TTLL11: variants seen among roughly 807,000 people sequenced by gnomAD.
TTLL11 encodes the protein tubulin polyglutamylase TTLL11.
In TTLL11, 42 loss-of-function variants were observed where a neutral mutation model predicts 51.7. The observed-to-expected ratio is 0.81, with a 90% CI of 0.64 to 1.05. The LOEUF (loss-of-function observed/expected upper bound fraction) is 1.05, where lower values mean the gene tolerates loss of function less well. TTLL11 is among the 50% of genes least tolerant of loss of function. TTLL11 has a pLI of 0.00. For missense variants in TTLL11, 799 were observed against 940.4 expected (o/e 0.85, Z 1.97); for synonymous variants, 381 against 383.5 (o/e 0.99, Z 0.08).
At chr9:121,974,174 C>G in intron 5 of TTLL11, 50 bp from the exon 6 acceptor site, 2 of 1,413,050 alleles carry the variant, frequency 1.4e-6, no homozygotes, top group Non-Finnish European at 1.9e-6. Flanking sequence ...GATTCCGTGC[C>G]AAGTGGCTAT....
chr9:122,072,415 G>A (rs1241753665), intron 1 of TTLL11, among the ~76,000 whole-genome samples: 5 of 150,724 alleles, frequency 3.3e-5, no homozygotes, highest in African/African-American at 1.2e-4. Flanking sequence ...AGGCTGAGGT[G>A]GGTGGATCAC....
intron 6 of TTLL11, among the ~76,000 whole-genome samples, chr9:121,971,766 A>AAAAAAAAG (rs1842586087): frequency 6.6e-6 from 1 of 151,138 alleles, no homozygotes; most frequent in Non-Finnish European, 1.5e-5. Context: ...AAAAAAGAAA[A>AAAAAAAAG]TGTGGCATAT....
chr9:122,012,590 A>T (rs1174659520), intron 3 of TTLL11, among the ~76,000 whole-genome samples: 1 of 152,110 alleles, frequency 6.6e-6, no homozygotes, highest in Non-Finnish European at 1.5e-5. Context: ...AGTTTAGAAA[A>T]TTAAACAATA....
chr9:122,013,461 G>C (rs1341265120), intron 3 of TTLL11, among the ~76,000 whole-genome samples: 1 of 152,182 alleles, frequency 6.6e-6, no homozygotes, highest in Non-Finnish European at 1.5e-5. Context: ...AGAAGAGGAG[G>C]AAGGGTCTCC....
At chr9:121,904,840 G>A (rs548727233) in intron 6 of TTLL11, among the ~76,000 whole-genome samples, 23 of 152,232 alleles carry the variant, frequency 1.5e-4, no homozygotes, top group Admixed American at 2.6e-4. Context: ...GATAACCTTC[G>A]TGCTATCTGG....
At chr9:121,972,025 A>G (rs1421725265) in intron 6 of TTLL11, among the ~76,000 whole-genome samples, 1 of 152,074 alleles carries the variant, frequency 6.6e-6, no homozygotes, top group Non-Finnish European at 1.5e-5. Flanking sequence ...AGAAATACCT[A>G]ATGTAGATGA....
At chr9:122,024,720 T>C (rs994848375) in intron 3 of TTLL11, among the ~76,000 whole-genome samples, 6 of 152,184 alleles carry the variant, frequency 3.9e-5, no homozygotes, top group Middle Eastern at 3.2e-3. Context: ...CAACTGGATA[T>C]TCGTATGCAA....
At chr9:122,030,693 G>A (rs915722626) in intron 3 of TTLL11, among the ~76,000 whole-genome samples, 3 of 151,540 alleles carry the variant, frequency 2.0e-5, no homozygotes, top group Admixed American at 6.6e-5. Flanking sequence ...AGGCTGAGGC[G>A]GGCAGATCAC....
At chr9:121,960,062 C>A (rs1236718146) in intron 6 of TTLL11, among the ~76,000 whole-genome samples, 2 of 152,060 alleles carry the variant, frequency 1.3e-5, no homozygotes, top group Non-Finnish European at 2.9e-5. Flanking sequence ...TCAGATCACA[C>A]CTCCCGCTGC....
At chr9:121,922,198 A>G (rs1457251923) in intron 6 of TTLL11, among the ~76,000 whole-genome samples, 1 of 152,208 alleles carries the variant, frequency 6.6e-6, no homozygotes, top group Non-Finnish European at 1.5e-5. Context: ...AATCCCTAGG[A>G]AACTTCTTTA....
chr9:121,902,178 C>G (rs1588111888), intron 6 of TTLL11, among the ~76,000 whole-genome samples: 1 of 152,292 alleles, frequency 6.6e-6, no homozygotes, highest in East Asian at 1.9e-4. Flanking sequence ...AGCCCAGAAG[C>G]AACCAGTGAA....
chr9:121,889,710 G>A (rs1293925960), intron 6 of TTLL11, among the ~76,000 whole-genome samples: 7 of 152,170 alleles, frequency 4.6e-5, no homozygotes, highest in Non-Finnish European at 8.8e-5. Context: ...GACCAGCCTG[G>A]CCAACATGGT....
At chr9:122,080,424 C>T (rs1845973233) in intron 1 of TTLL11, among the ~76,000 whole-genome samples, 3 of 152,010 alleles carry the variant, frequency 2.0e-5, no homozygotes, top group Non-Finnish European at 4.4e-5. Context: ...TGACGCACAC[C>T]TGTAATCCTA....
intron 6 of TTLL11, among the ~76,000 whole-genome samples, chr9:121,912,168 G>A (rs902754780): frequency 2.6e-5 from 4 of 152,152 alleles, no homozygotes; most frequent in Admixed American, 6.5e-5. Context: ...GGCCTGGGCC[G>A]CTCATCTACT....
chr9:121,832,667 C>T (rs1288871924), intron 8 of TTLL11, among the ~76,000 whole-genome samples: 3 of 152,176 alleles, frequency 2.0e-5, no homozygotes, highest in Non-Finnish European at 4.4e-5. Flanking sequence ...TGGCCAGGTG[C>T]AGTGGCTCAT....
At chr9:121,848,159 A>G (rs1480260252) in intron 8 of TTLL11, among the ~76,000 whole-genome samples, 2 of 151,914 alleles carry the variant, frequency 1.3e-5, no homozygotes. Flanking sequence ...ATGAGCCAAG[A>G]TTGTGTCACT....
At chr9:121,900,514 T>C (rs1269486734) in intron 6 of TTLL11, among the ~76,000 whole-genome samples, 4 of 152,214 alleles carry the variant, frequency 2.6e-5, no homozygotes, top group African/African-American at 4.8e-5. Flanking sequence ...TCAAAGATCA[T>C]TGATGTCTTT....
rs78518604 is a variant in TTLL11 at position 122,074,887 on chromosome 9, T to TA, written c.462+17799dup. 1.3e-3 allele frequency among the ~76,000 whole-genome samples: 191 copies of TA among 143,146 alleles called. 1 individual carries two copies. Among genetic ancestry groups the TA allele is most frequent in the Middle Eastern group, 3.7e-3 (1 of 270 alleles). The allele number at this position is 143,146 out of a possible 152,430, so 93.9% of individuals were successfully genotyped here. On this transcript the variant is annotated intron_variant, in intron 1 of 8. Coordinates refer to ENST00000321582, the MANE Select transcript of TTLL11 (RefSeq NM_001139442.2). ...AAGACAGCAAGACACCCTGGTCTCT[T>TA]AAAAAAAAAAAAAAGACCTTGTTGA...
rs1465365910 is a variant in TTLL11 at position 121,815,751 on chromosome 9, C to T, written c.*6836G>A. ...GCGTTTTATGAAGTTGCCAAGACAACTGAGGCCAAGTAACAGAACCTTGAC... is the reference window on the plus strand; with the variant it reads ...GCGTTTTATGAAGTTGCCAAGACAATTGAGGCCAAGTAACAGAACCTTGAC... On this transcript the variant is annotated 3_prime_UTR_variant, in exon 9 of 9. Transcript: ENST00000321582. 1 of 152,172 alleles carries T rather than the reference C, an allele frequency of 6.6e-6. No homozygotes were observed. Among genetic ancestry groups the T allele is most frequent in the African/African-American group, 2.4e-5 (1 of 41,436 alleles). The allele number at this position is 152,172 out of a possible 1,614,324, so 9.4% of individuals were successfully genotyped here. A position where few individuals can be genotyped will look rare whatever the true frequency, so the allele number is the denominator to read the frequency against.
Sources: allele counts gnomAD v4.1 joint callset (sites outside exome capture counted in the v4.1 genomes callset), GRCh38; gene constraint gnomAD v4.1.1; transcripts MANE v1.5; gene names NCBI Gene and HGNC (gene_info 2026-07-23, HGNC 2026-07-21).